Variants in FKBP9 observed in about 807,000 individuals in gnomAD.
The protein encoded by FKBP9 is peptidyl-prolyl cis-trans isomerase FKBP9.
A neutral mutation model predicts 55.6 loss-of-function variants in FKBP9; 27 were observed. The ratio of observed to expected loss-of-function variants is 0.49; its 90% CI spans 0.36 to 0.67. The LOEUF is 0.67. Ranked by LOEUF, FKBP9 falls within the 30% of genes least tolerant of loss-of-function variation. The pLI, the probability that FKBP9 is intolerant of heterozygous loss-of-function variation, is 0.00. For synonymous variants in FKBP9, 267 were observed against 296.5 expected (o/e 0.90, Z 1.02); for missense variants, 539 against 742.8 (o/e 0.73, Z 3.19).
chr7:32,987,248 C>T (rs1296049504), intron 5 of FKBP9, among the ~76,000 whole-genome samples: 2 of 152,146 alleles, frequency 1.3e-5, no homozygotes, highest in South Asian at 4.1e-4. Flanking sequence ...TGTAATTCCA[C>T]ACTTTCGGAG....
intron 5 of FKBP9, among the ~76,000 whole-genome samples, chr7:32,982,023 ATT>A (rs544558731): frequency 5.1e-5 from 7 of 138,320 alleles, no homozygotes; most frequent in Non-Finnish European, 6.2e-5. Flanking sequence ...CAATGTCTGG[ATT>A]TTTTTTTTTT....
intron 1 of FKBP9, among the ~76,000 whole-genome samples, chr7:32,961,892 C>T (rs1312700007): frequency 6.6e-6 from 1 of 151,954 alleles, no homozygotes; most frequent in African/African-American, 2.4e-5. Flanking sequence ...AAAACAAGCT[C>T]AGGGCTCCCA....
At chr7:32,985,037 TCTA>T (rs1784548398) in intron 5 of FKBP9, among the ~76,000 whole-genome samples, 2 of 152,156 alleles carry the variant, frequency 1.3e-5, no homozygotes, top group Non-Finnish European at 2.9e-5. Context: ...AGCTTTTTTT[TCTA>T]CTAAGTGATG....
chr7:32,970,704 A>G (rs1484771314), intron 1 of FKBP9, among the ~76,000 whole-genome samples: 3 of 129,330 alleles, frequency 2.3e-5, no homozygotes, highest in Admixed American at 7.4e-5. Context: ...AACTTTGCCA[A>G]ATTTGTTTAT....
At chr7:32,997,060 C>T (rs1037624222) in intron 7 of FKBP9, among the ~76,000 whole-genome samples, 1 of 152,008 alleles carries the variant, frequency 6.6e-6, no homozygotes, top group South Asian at 2.1e-4. Context: ...TCCCAAAGTG[C>T]TGGGATTACA....
chr7:32,969,684 G>T (rs1784216993), intron 1 of FKBP9, among the ~76,000 whole-genome samples: 1 of 152,112 alleles, frequency 6.6e-6, no homozygotes. Context: ...TCTTTCTCAG[G>T]ATTGTTTTGG....
intron 1 of FKBP9, among the ~76,000 whole-genome samples, chr7:32,959,538 A>G (rs1783977706): frequency 6.6e-6 from 1 of 152,214 alleles, no homozygotes. Flanking sequence ...TGCAAACATC[A>G]CAACTAGCTA....
intron 8 of FKBP9, among the ~76,000 whole-genome samples, chr7:33,002,407 A>G (rs1051588767): frequency 1.3e-5 from 2 of 152,206 alleles, no homozygotes; most frequent in African/African-American, 4.8e-5. Context: ...TGCTGGAATT[A>G]TAGGCGTGAG....
At position 33,002,799 on chromosome 7, in the gene FKBP9, A is replaced by T. The variant is rs760079980; in HGVS notation, c.1496A>T (p.Glu499Val). 3 of 1,614,218 alleles carry T rather than the reference A, an allele frequency of 1.9e-6. No individual in the cohort carries two copies. In the Admixed American group the frequency reaches 5.0e-5, roughly 27 times the overall value. Residue 499 changes from glutamate to valine, a missense_variant, in exon 9 of 10, where the codon GAA becomes GTA. Glu to Val is a moderately radical substitution (Grantham distance 121). Around this residue, in one of 4 missense-constraint regions of FKBP9, gnomAD observed 102 missense variants for 200.7 expected, o/e 0.51. Coordinates refer to ENST00000242209, the MANE Select transcript of FKBP9 (RefSeq NM_007270.5). ...NGEVSPNLFE[E>V]IDKDGNGEVL... is the part of the protein sequence containing the mutation. Reference sequence around the variant, plus strand: ...GAGGTGTCACCCAACCTCTTTGAAGAAATTGACAAGGATGGCAACGGAGAA... The same window carrying T: ...GAGGTGTCACCCAACCTCTTTGAAGTAATTGACAAGGATGGCAACGGAGAA...
Position 32,975,287 on chromosome 7 carries a change from G to A in FKBP9, c.473G>A (p.Ser158Asn), listed in dbSNP as rs1428020407. The change falls in exon 3 of 10, where the codon AGT becomes AAT. Residue 158 changes from serine (S) to asparagine (N), a missense_variant. By Grantham distance (46) the Ser-to-Asn change is conservative (BLOSUM62 1). This residue lies in a region of FKBP9 where 236 missense variants were observed against 271.5 expected (regional missense o/e 0.87). Transcript: ENST00000242209. Reference protein sequence around the residue: ...VQIHTYFKPPSCPRTIQVSDF... With the variant: ...VQIHTYFKPPNCPRTIQVSDF... The stretch of plus-strand genomic sequence containing the variant: ...ATTCACACCTATTTCAAGCCCCCGA[G>A]TTGCCCTCGGACCATCCAGGTGTCT... 2 of 1,613,808 alleles carry A rather than the reference G, an allele frequency of 1.2e-6. No individual in the cohort carries two copies. The highest frequency in any genetic ancestry group is 1.6e-4 in the Middle Eastern group (1 of 6,078).
At position 33,002,701 on chromosome 7, in the gene FKBP9, A is replaced by G. The variant is rs139659242; in HGVS notation, c.1398A>G (p.Val466=). Residue 466 remains valine (V), a synonymous_variant, in exon 9 of 10, where the codon GTA becomes GTG. Transcript: ENST00000242209. The stretch of plus-strand genomic sequence containing the variant: ...ATGGAGAAGTGCCCGGCAGTGCCGT[A>G]TTAGTGTTTGACATTGAGCTGCTGG... ...GVDGEVPGSA[V]LVFDIELLEL... is the part of the protein sequence containing the mutation. 1,745 of 1,614,106 alleles carry G rather than the reference A, an allele frequency of 1.1e-3. 1 individual carries two copies. The highest frequency in any genetic ancestry group is 1.3e-3 in the Non-Finnish European group (1,585 of 1,180,008).
At chr7:32,981,823 G>A (rs1784481939) in intron 5 of FKBP9, among the ~76,000 whole-genome samples, 1 of 150,606 alleles carries the variant, frequency 6.6e-6, no homozygotes, top group Non-Finnish European at 1.5e-5. Flanking sequence ...CTTGAACCCA[G>A]GAGGCGGAGG....
In FKBP9 at chr7:32,961,166, G is replaced by A. The variant is rs139255603; in HGVS notation, c.221+3372G>A. ...TTGTGTCTGTGTGTGGGGGAGGTTA[G>A]GATGGAATCCTGGTATGGCAGGGAT... On this transcript the variant is annotated intron_variant, in intron 1 of 9. Coordinates refer to ENST00000242209, the MANE Select transcript of FKBP9 (RefSeq NM_007270.5). Among the ~76,000 whole-genome samples, 500 of 152,308 alleles carry A rather than the reference G, an allele frequency of 3.3e-3. 1 individual carries two copies. The highest frequency in any genetic ancestry group is 4.9e-3 in the Non-Finnish European group (336 of 68,040).
chr7:32,979,477 G>A (rs938219718), intron 4 of FKBP9: 20 of 1,532,966 alleles, frequency 1.3e-5, no homozygotes, highest in Non-Finnish European at 1.7e-5. Context: ...GGATGGGAAG[G>A]AGATGCAGGG....
intron 6 of FKBP9, chr7:32,992,876 G>A (rs1234544554): frequency 4.3e-6 from 1 of 230,446 alleles, no homozygotes; most frequent in Non-Finnish European, 8.6e-6. Flanking sequence ...TCAATAATGT[G>A]TGTGCCTCAG....
intron 6 of FKBP9, chr7:32,994,929 T>G (rs1183676352): frequency 1.7e-5 from 3 of 171,724 alleles, no homozygotes; most frequent in Non-Finnish European, 2.5e-5. Context: ...AGCTGTGTTA[T>G]TCTCTTGAAT....
chr7:32,961,735 A>T (rs903248582), intron 1 of FKBP9, among the ~76,000 whole-genome samples: 1 of 151,598 alleles, frequency 6.6e-6, no homozygotes, highest in Non-Finnish European at 1.5e-5. Flanking sequence ...TCAGATCAGG[A>T]GGGGCATTAG....
At position 33,005,933 on chromosome 7, in the gene FKBP9, C is replaced by T. The variant is rs909273528; in HGVS notation, c.*582C>T. The T allele has an allele frequency of 2.2e-5, 5 of 232,038 alleles. No individual in the cohort carries two copies. Among genetic ancestry groups the T allele is most frequent in the Non-Finnish European group, 3.4e-5 (4 of 117,538 alleles). The allele number at this position is 232,038 out of a possible 1,614,324, so 14.4% of individuals were successfully genotyped here. Reference sequence around the variant, plus strand: ...CATCATGCTTTTCCAGCTCATCACACCCCGCCCCACTATGGGCCTACCATT... The same window carrying T: ...CATCATGCTTTTCCAGCTCATCACATCCCGCCCCACTATGGGCCTACCATT... On this transcript the variant is annotated 3_prime_UTR_variant, in exon 10 of 10. Coordinates refer to ENST00000242209, the MANE Select transcript of FKBP9 (RefSeq NM_007270.5).
Position 32,964,124 on chromosome 7 carries a change from G to A in FKBP9, c.221+6330G>A, listed in dbSNP as rs111233270. Among the ~76,000 whole-genome samples the A allele has an allele frequency of 5.8e-3, 889 of 152,336 alleles. 14 individuals carry two copies. Among genetic ancestry groups the A allele is most frequent in the African/African-American group, 0.021 (854 of 41,566 alleles). Reference sequence around the variant, plus strand: ...GCAGCTCTTTTTATGGAGAAGGAGAGTGCTGAAACGGAGGCTGCTACCGTG... The same window carrying A: ...GCAGCTCTTTTTATGGAGAAGGAGAATGCTGAAACGGAGGCTGCTACCGTG... On this transcript the variant is annotated intron_variant, in intron 1 of 9. Coordinates refer to ENST00000242209, the MANE Select transcript of FKBP9 (RefSeq NM_007270.5).
Sources: allele counts gnomAD v4.1 joint callset (sites outside exome capture counted in the v4.1 genomes callset), GRCh38; gene constraint gnomAD v4.1.1; regional missense constraint gnomAD v4.1.1; transcripts MANE v1.5; gene names NCBI Gene and HGNC (gene_info 2026-07-23, HGNC 2026-07-21).